TEX10: variants seen among roughly 807,000 people sequenced by gnomAD.
The protein encoded by TEX10 is testis-expressed protein 10.
In TEX10, 24 loss-of-function variants were observed where a neutral mutation model predicts 104.4. The ratio of observed to expected loss-of-function variants is 0.23; its 90% confidence interval spans 0.17 to 0.32. TEX10 has a LOEUF of 0.32. Ranked by LOEUF, TEX10 falls within the 10% of genes least tolerant of loss-of-function variation. TEX10 has a pLI of 1.00. For missense variants in TEX10, 921 were observed against 1,083.9 expected (o/e 0.85, Z 2.11); for synonymous variants, 396 against 393.4 (o/e 1.01, Z -0.08).
At chr9:100,310,889 T>C (rs923766602) in intron 11 of TEX10, among the ~76,000 whole-genome samples, 1 of 152,188 alleles carries the variant, frequency 6.6e-6, no homozygotes, top group East Asian at 1.9e-4. Context: ...ATGTTGAATA[T>C]TGAGCTAGCC....
chr9:100,320,856 A>G (rs1834552051), intron 10 of TEX10, among the ~76,000 whole-genome samples: 1 of 152,244 alleles, frequency 6.6e-6, no homozygotes, highest in Admixed American at 6.5e-5. Flanking sequence ...CAATACATGT[A>G]TAGTTCATTC....
intron 14 of TEX10, among the ~76,000 whole-genome samples, chr9:100,302,876 G>A (rs145047783): frequency 8.2e-4 from 125 of 151,534 alleles, no homozygotes; most frequent in African/African-American, 2.3e-3. Flanking sequence ...GTATCACTAC[G>A]AATCTCAAGG....
At chr9:100,327,764 C>T (rs1330655174) in intron 8 of TEX10, 23 bp downstream of exon 8, 2 of 1,537,470 alleles carry the variant, frequency 1.3e-6, no homozygotes, top group Non-Finnish European at 8.8e-7. Context: ...ACTACCCATA[C>T]CATTAAACAA....
chr9:100,339,168 C>G (rs542383323), intron 5 of TEX10, among the ~76,000 whole-genome samples: 12 of 134,606 alleles, frequency 8.9e-5, no homozygotes, highest in African/African-American at 3.1e-4. Context: ...GCAGCAGGAT[C>G]ACTTGAACCC....
chr9:100,348,890 G>A (rs1286275380), intron 2 of TEX10, among the ~76,000 whole-genome samples: 1 of 152,128 alleles, frequency 6.6e-6, no homozygotes, highest in Admixed American at 6.5e-5. Flanking sequence ...TCAACATGGT[G>A]TAAGAGTGAG....
intron 13 of TEX10, chr9:100,305,135 C>T (rs1316250727): frequency 6.6e-6 from 1 of 152,144 alleles, no homozygotes; most frequent in Non-Finnish European, 1.5e-5. Context: ...TTAGATGGTG[C>T]AATATTCACA....
rs1477440846 is a variant in TEX10, at chr9:100,320,397, C to T, written c.2070G>A (p.Gly690=). The T allele has an allele frequency of 6.3e-7, 1 of 1,588,248 alleles. No homozygotes were observed. Among genetic ancestry groups the T allele is most frequent in the African/African-American group, 1.4e-5 (1 of 73,284 alleles). ...GCCAAGTCAACTCCTCTTTCGAAAA[C>T]CCTAATTCAGGTAACAAAGAAAGCC... ...YFSFLFSTLT[G]FSKEELTWLQ... The change falls in exon 11 of 15, where the codon GGG becomes GGA. Residue 690 remains glycine, a splice_region_variant and synonymous_variant. Coordinates refer to ENST00000374902, the MANE Select transcript of TEX10 (RefSeq NM_017746.4).
rs1299998989 is a variant in TEX10, at chr9:100,332,009, G to T, written c.1251-1840C>A. On this transcript the variant is annotated intron_variant, in intron 5 of 14. Coordinates refer to ENST00000374902, the MANE Select transcript of TEX10 (RefSeq NM_017746.4). The stretch of plus-strand genomic sequence containing the variant: ...TAAATTCAGAGATGATGAAGAAAAA[G>T]GGGCAGAGAGATCTAGAAATTAATT... Among the ~76,000 whole-genome samples the T allele has an allele frequency of 2.0e-5, 3 of 152,188 alleles. No individual in the cohort carries two copies. The South Asian group carries it at 6.2e-4, about 31-fold the overall frequency.
chr9:100,328,060 A>G (rs1834754419), intron 7 of TEX10, 98 bp from the exon 8 acceptor site: 3 of 926,210 alleles, frequency 3.2e-6, no homozygotes, highest in South Asian at 7.4e-5. Context: ...ATATATCACA[A>G]AGTGACTAAT....
In TEX10 at chr9:100,326,443, T is replaced by C; in HGVS notation, c.1838A>G (p.Asp613Gly). 6.2e-7 allele frequency: 1 copy of C among 1,612,952 alleles called. No homozygotes were observed. Residue 613 changes from aspartate (D) to glycine (G), a missense_variant, in exon 9 of 15, where the codon GAC becomes GGC. Coordinates refer to ENST00000374902, the MANE Select transcript of TEX10 (RefSeq NM_017746.4). ...QEGAVVVLPA[D>G]SQQRLVQLVY... is the part of the protein sequence containing the mutation. The stretch of plus-strand genomic sequence containing the variant: ...AAGCTGAACCAAACGCTGCTGAGAG[T>C]CTGCAGGGAGAACCACCACAGCACC...
intron 5 of TEX10, among the ~76,000 whole-genome samples, chr9:100,337,102 T>C (rs949851878): frequency 6.6e-6 from 1 of 152,216 alleles, no homozygotes; most frequent in Non-Finnish European, 1.5e-5. Flanking sequence ...TACATACTCC[T>C]GTATTAACCT....
intron 5 of TEX10, among the ~76,000 whole-genome samples, chr9:100,335,973 G>A (rs973241907): frequency 1.2e-4 from 18 of 151,872 alleles, no homozygotes; most frequent in African/African-American, 3.6e-4. Context: ...TTCGAGACCA[G>A]CCTGACCAAC....
At chr9:100,347,818 T>C (rs1835337499) in intron 2 of TEX10, among the ~76,000 whole-genome samples, 1 of 152,104 alleles carries the variant, frequency 6.6e-6, no homozygotes, top group African/African-American at 2.4e-5. Context: ...GTATACTACC[T>C]GACAATTTTA....
At chr9:100,311,387 G>C (rs1402229063) in intron 11 of TEX10, among the ~76,000 whole-genome samples, 1 of 152,170 alleles carries the variant, frequency 6.6e-6, no homozygotes, top group East Asian at 1.9e-4. Context: ...ATGACAGAGT[G>C]AGACACTGTC....
intron 11 of TEX10, among the ~76,000 whole-genome samples, chr9:100,315,135 G>A (rs540881165): frequency 4.6e-5 from 7 of 152,062 alleles, no homozygotes; most frequent in Non-Finnish European, 7.4e-5. Flanking sequence ...GTATGATTTT[G>A]ATTTTTTAAA....
chr9:100,302,151 T>A lies in TEX10; in HGVS notation c.*40A>T. 1.6e-6 allele frequency: 2 copies of A among 1,212,682 alleles called. No individual in the cohort carries two copies. Among genetic ancestry groups the A allele is most frequent in the Non-Finnish European group, 2.3e-6 (2 of 861,066 alleles). The allele number at this position is 1,212,682 out of a possible 1,614,324, so 75.1% of individuals were successfully genotyped here. A position where few individuals can be genotyped will look rare whatever the true frequency, so the allele number is the denominator to read the frequency against. On this transcript the variant is annotated 3_prime_UTR_variant, in exon 15 of 15. Transcript: ENST00000374902. ...AGTCTTTTTCTTCAAATAAGATAGA[T>A]GTGAATAAACAACTTCAAACAGGAG...
At chr9:100,340,887 C>T (rs985431841) in intron 4 of TEX10, among the ~76,000 whole-genome samples, 2 of 152,254 alleles carry the variant, frequency 1.3e-5, no homozygotes, top group African/African-American at 4.8e-5. Context: ...AGGTAACCAA[C>T]CATCCCATTT....
At chr9:100,352,627 A>C in intron 1 of TEX10, 145 bp downstream of exon 1, 4 of 1,464,462 alleles carry the variant, frequency 2.7e-6, no homozygotes, top group Non-Finnish European at 3.6e-6. Context: ...CCCAGCTCGG[A>C]GGGACGCCGC....
intron 5 of TEX10, among the ~76,000 whole-genome samples, chr9:100,332,517 T>C (rs1834889883): frequency 6.6e-6 from 1 of 152,080 alleles, no homozygotes; most frequent in South Asian, 2.1e-4. Flanking sequence ...GTAGTATAGG[T>C]AATTATAATA....
Sources: allele counts gnomAD v4.1 joint callset (sites outside exome capture counted in the v4.1 genomes callset), GRCh38; gene constraint gnomAD v4.1.1; transcripts MANE v1.5; gene names NCBI Gene and HGNC (gene_info 2026-07-23, HGNC 2026-07-21).